RBM33: variants seen among roughly 807,000 people sequenced by gnomAD.
RBM33 encodes the protein RNA-binding protein 33.
Under a neutral mutation model 132.6 loss-of-function variants are expected in RBM33, and 28 were observed. The observed-to-expected ratio is 0.21, with a 90% CI of 0.16 to 0.29. The LOEUF is 0.29. RBM33 is among the 10% of genes least tolerant of loss of function. The pLI is 1.00. For missense variants in RBM33, 1,291 were observed against 1,518.5 expected (o/e 0.85, Z 2.49); for synonymous variants, 634 against 593.0 (o/e 1.07, Z -1.01).
chr7:155,692,461 A>G (rs1408443393), intron 5 of RBM33, among the ~76,000 whole-genome samples: 1 of 152,200 alleles, frequency 6.6e-6, no homozygotes, highest in East Asian at 1.9e-4. Flanking sequence ...TCTGGAGTCA[A>G]GGACAGGTTT....
rs114603347 is a variant in RBM33 at position 155,668,865 on chromosome 7, A to C, written c.122+3612A>C. ...TGGTTACATTGCCTGATATTTGTTC[A>C]ACTGGAATTTCTTCAGGTTGGCTCC... On this transcript the variant is annotated intron_variant, in intron 2 of 17. Transcript: ENST00000401878. Among the ~76,000 whole-genome samples, 1,291 of 152,188 alleles carry C rather than the reference A, an allele frequency of 8.5e-3. 18 individuals carry two copies. The highest frequency in any genetic ancestry group is 0.029 in the African/African-American group (1,214 of 41,510).
rs910028023 is a variant in RBM33 at position 155,644,667 on chromosome 7, G to C, written c.-210G>C. The C allele has an allele frequency of 2.4e-6, 1 of 417,514 alleles. No individual in the cohort carries two copies. Among genetic ancestry groups the C allele is most frequent in the East Asian group, 3.7e-5 (1 of 26,972 alleles). 25.9% of individuals were successfully genotyped at this position (417,514 alleles called of 1,614,324 possible). ...TCCCAGGGTGCACCGCGGCGGGCGC[G>C]GGCGCGCGGCCATGTTGCGGTAGTT... is the stretch of plus-strand genomic sequence containing the variant. On this transcript the variant is annotated 5_prime_UTR_variant, in exon 1 of 18. Transcript: ENST00000401878.
At chr7:155,655,445 G>A (rs1396618810) in intron 1 of RBM33, among the ~76,000 whole-genome samples, 2 of 146,246 alleles carry the variant, frequency 1.4e-5, no homozygotes, top group African/African-American at 5.0e-5. Context: ...ATGATGAACA[G>A]TATTTATCAA....
At chr7:155,672,643 G>A (rs1798973886) in intron 2 of RBM33, among the ~76,000 whole-genome samples, 1 of 151,872 alleles carries the variant, frequency 6.6e-6, no homozygotes, top group Admixed American at 6.6e-5. Flanking sequence ...TACTTGGGAG[G>A]CTGAGGCAGG....
At chr7:155,692,351 G>T (rs1356760813) in intron 5 of RBM33, among the ~76,000 whole-genome samples, 6 of 152,164 alleles carry the variant, frequency 3.9e-5, no homozygotes, top group Admixed American at 3.9e-4. Context: ...TTAGCTGCAG[G>T]TTTTGTGAGC....
intron 8 of RBM33, among the ~76,000 whole-genome samples, chr7:155,716,363 A>G (rs1800464733): frequency 7.3e-6 from 1 of 136,598 alleles, no homozygotes; most frequent in Admixed American, 7.7e-5. Context: ...CTTTGTGCAA[A>G]TTACCAGCTC....
At chr7:155,756,858 T>A (rs1379162420) in intron 14 of RBM33, among the ~76,000 whole-genome samples, 2 of 152,098 alleles carry the variant, frequency 1.3e-5, no homozygotes, top group African/African-American at 2.4e-5. Context: ...CTGGGTAGTA[T>A]CAAAACCCAT....
chr7:155,689,370 TTTA>T, intron 5 of RBM33, among the ~76,000 whole-genome samples: 1 of 152,224 alleles, frequency 6.6e-6, no homozygotes, highest in Non-Finnish European at 1.5e-5. Context: ...TCTTTTCTTC[TTTA>T]TTAGTGTTGC....
Position 155,644,800 on chromosome 7 carries a change from ACCCGGG to A in RBM33, c.-71_-66del, listed in dbSNP as rs551815431. ...CCCTTCTCTGTCCTCCGTCACCCGT[ACCCGGG>A]CCCGGACCAGGCACGTCGGCCCACC... is the stretch of plus-strand genomic sequence containing the variant. On this transcript the variant is annotated 5_prime_UTR_variant, in exon 1 of 18. Coordinates refer to ENST00000401878, the MANE Select transcript of RBM33 (RefSeq NM_053043.3). 2.3e-3 allele frequency: 2,950 copies of A among 1,255,942 alleles called. 26 individuals carry two copies. Among genetic ancestry groups the A allele is most frequent in the South Asian group, 0.015 (978 of 63,732 alleles). 77.8% of individuals were successfully genotyped at this position (1,255,942 alleles called of 1,614,324 possible).
intron 14 of RBM33, among the ~76,000 whole-genome samples, chr7:155,751,243 CTGGTCTGTCTTTT>C (rs1801677565): frequency 6.6e-6 from 1 of 152,174 alleles, no homozygotes; most frequent in South Asian, 2.1e-4. Context: ...TTGCTTTATC[CTGGTCTGTCTTTT>C]TGTTCATTTG....
intron 13 of RBM33, 61 bp from the exon 14 acceptor site, chr7:155,744,900 A>T: frequency 6.9e-7 from 1 of 1,449,924 alleles, no homozygotes; most frequent in Non-Finnish European, 9.2e-7. Context: ...TAATTTGTTG[A>T]AATAGACTAT....
At chr7:155,741,331 G>A (rs982614015) in intron 12 of RBM33, among the ~76,000 whole-genome samples, 11 of 151,598 alleles carry the variant, frequency 7.3e-5, no homozygotes, top group Non-Finnish European at 1.0e-4. Context: ...CGAGTAAAAC[G>A]TTCTGGCACC....
intron 9 of RBM33, 107 bp from the exon 10 acceptor site, chr7:155,737,423 A>G: frequency 1.8e-6 from 2 of 1,128,418 alleles, no homozygotes; most frequent in Admixed American, 3.2e-5. Flanking sequence ...GAGACACGTT[A>G]CTTGACATTT....
chr7:155,671,051 G>A (rs895674751), intron 2 of RBM33, among the ~76,000 whole-genome samples: 1 of 152,010 alleles, frequency 6.6e-6, no homozygotes, highest in African/African-American at 2.4e-5. Context: ...TCCATTTTTA[G>A]TTACTTAAGG....
chr7:155,712,555 G>A (rs1800337220), intron 8 of RBM33, among the ~76,000 whole-genome samples: 2 of 152,216 alleles, frequency 1.3e-5, no homozygotes, highest in South Asian at 4.1e-4. Flanking sequence ...GGGAAGGGAT[G>A]GGTTGTATCT....
intron 5 of RBM33, among the ~76,000 whole-genome samples, chr7:155,683,613 C>T (rs1343812117): frequency 6.6e-6 from 1 of 152,176 alleles, no homozygotes; most frequent in African/African-American, 2.4e-5. Context: ...ATCAATAAAG[C>T]TGGACGCACA....
intron 1 of RBM33, among the ~76,000 whole-genome samples, chr7:155,646,097 A>G (rs554079391): frequency 6.6e-6 from 1 of 152,230 alleles, no homozygotes; most frequent in Non-Finnish European, 1.5e-5. Context: ...TAGCATTCCC[A>G]GTGTAACCTG....
intron 4 of RBM33, among the ~76,000 whole-genome samples, chr7:155,679,750 G>A (rs1799286534): frequency 6.6e-6 from 1 of 152,122 alleles, no homozygotes; most frequent in Non-Finnish European, 1.5e-5. Context: ...TTTTGAGTTA[G>A]ATTGTCTTTT....
At chr7:155,708,841 G>T (rs1012588130) in intron 7 of RBM33, among the ~76,000 whole-genome samples, 1 of 152,062 alleles carries the variant, frequency 6.6e-6, no homozygotes, top group Non-Finnish European at 1.5e-5. Context: ...CCATCCCAGA[G>T]CTATTTTGTC....
Sources: allele counts gnomAD v4.1 joint callset (sites outside exome capture counted in the v4.1 genomes callset), GRCh38; gene constraint gnomAD v4.1.1; transcripts MANE v1.5; gene names NCBI Gene and HGNC (gene_info 2026-07-23, HGNC 2026-07-21).